The following DDR2 variants were observed in gnomAD, a reference collection of about 807,000 sequenced individuals.
DDR2 encodes the protein discoidin domain-containing receptor 2.
DDR2 carries 27 observed loss-of-function variants against 94.9 expected under a neutral mutation model. That is an observed-to-expected ratio of 0.28 (90% CI 0.21 to 0.39). DDR2 has a LOEUF of 0.39. Among genes scored for constraint, DDR2 ranks in the 10% least tolerant of loss-of-function variants. The pLI is 1.00. For missense variants in DDR2, 783 were observed against 1,076.0 expected (o/e 0.73, Z 3.81); for synonymous variants, 382 against 377.2 (o/e 1.01, Z -0.15).
chr1:162,732,790 C>T lies in DDR2; in HGVS notation c.82+13645C>T, dbSNP rs1203714874. Among the ~76,000 whole-genome samples, 6 of 152,208 alleles carry T rather than the reference C, an allele frequency of 3.9e-5. No homozygotes were observed. In the South Asian group the frequency reaches 6.2e-4, roughly 16 times the overall value. On this transcript the variant is annotated intron_variant, in intron 3 of 17. Coordinates refer to ENST00000367921, the MANE Select transcript of DDR2 (RefSeq NM_006182.4). ...ATAGGACACTCATTGACGGGGAGCC[C>T]GTGGTCTGGAGCTAGTAGTGAGATG...
intron 7 of DDR2, among the ~76,000 whole-genome samples, chr1:162,756,773 T>C (rs1473505220): frequency 2.0e-5 from 3 of 152,198 alleles, no homozygotes; most frequent in Non-Finnish European, 4.4e-5. Context: ...GTCACTTCCT[T>C]TCCATCTTCT....
Position 162,766,021 on chromosome 1 carries a change from T to G in DDR2, c.1120T>G (p.Ser374Ala), listed in dbSNP as rs778666175. 7 of 1,613,916 alleles carry G rather than the reference T, an allele frequency of 4.3e-6. No individual in the cohort carries two copies. The highest frequency in any genetic ancestry group is 5.9e-6 in the Non-Finnish European group (7 of 1,179,996). ...FQSDAAMYNN[S>A]EALPTSPMAP... ...AACAGATGCTGCAATGTACAACAAC[T>G]CTGAAGCCCTGCCCACCTCTCCTAT... Residue 374 changes from serine (S) to alanine (A), a missense_variant, in exon 10 of 18, where the codon TCT (serine) becomes GCT (alanine). This residue lies in a region of DDR2 where 519 missense variants were observed against 647.9 expected (regional missense o/e 0.80). Transcript: ENST00000367921.
chr1:162,710,991 G>A (rs944409664), intron 2 of DDR2, among the ~76,000 whole-genome samples: 1 of 152,172 alleles, frequency 6.6e-6, no homozygotes, highest in African/African-American at 2.4e-5. Context: ...CAGGCTCAGT[G>A]TCAAGATCCC....
intron 2 of DDR2, among the ~76,000 whole-genome samples, chr1:162,689,491 C>A (rs1323987592): frequency 6.6e-6 from 1 of 152,066 alleles, no homozygotes; most frequent in Non-Finnish European, 1.5e-5. Flanking sequence ...AGCTATCTCA[C>A]CGGTCCCCTG....
At chr1:162,715,547 G>T (rs1033849306) in intron 2 of DDR2, among the ~76,000 whole-genome samples, 1 of 152,146 alleles carries the variant, frequency 6.6e-6, no homozygotes, top group Admixed American at 6.6e-5. Flanking sequence ...GGTGAGGTAG[G>T]TGGAGCCCAG....
intron 1 of DDR2, among the ~76,000 whole-genome samples, chr1:162,652,065 A>G (rs1182921774): frequency 6.6e-6 from 1 of 152,248 alleles, no homozygotes; most frequent in Non-Finnish European, 1.5e-5. Flanking sequence ...GCACTTTGGC[A>G]TAAGACAGAC....
chr1:162,741,878 G>A (rs1213451188), intron 3 of DDR2, among the ~76,000 whole-genome samples: 1 of 152,234 alleles, frequency 6.6e-6, no homozygotes, highest in Non-Finnish European at 1.5e-5. Flanking sequence ...AGCACACTCA[G>A]CGACATGTAA....
At chr1:162,634,817 C>T (rs1480829808) in intron 1 of DDR2, among the ~76,000 whole-genome samples, 2 of 152,206 alleles carry the variant, frequency 1.3e-5, no homozygotes, top group African/African-American at 4.8e-5. Flanking sequence ...GATTGCTCCT[C>T]AGACAAGACT....
chr1:162,746,596 T>C (rs1371636599), intron 3 of DDR2, among the ~76,000 whole-genome samples: 1 of 152,228 alleles, frequency 6.6e-6, no homozygotes, highest in African/African-American at 2.4e-5. Context: ...TAAACGTCCC[T>C]GTCTGACAGC....
At chr1:162,660,322 G>A (rs192147991) in intron 2 of DDR2, among the ~76,000 whole-genome samples, 1 of 152,088 alleles carries the variant, frequency 6.6e-6, no homozygotes, top group Non-Finnish European at 1.5e-5. Context: ...ATTTTGTTTG[G>A]GGGTAGAGGA....
rs117973649 is a variant in DDR2, at chr1:162,658,248, C to A, written c.-28+2874C>A. 1.9e-3 allele frequency among the ~76,000 whole-genome samples: 284 copies of A among 152,222 alleles called. 4 individuals are homozygous for A. In the East Asian group the frequency reaches 0.042, roughly 23 times the overall value. ...CGCTTTCTAGGGCATGAAGACAGGG[C>A]AGGCTGGGCCATTGGAGGTGGGGGT... is the stretch of plus-strand genomic sequence containing the variant. On this transcript the variant is annotated intron_variant, in intron 2 of 17. Coordinates refer to ENST00000367921, the MANE Select transcript of DDR2 (RefSeq NM_006182.4).
At chr1:162,719,371 A>G (rs750984762) in intron 3 of DDR2, among the ~76,000 whole-genome samples, 8 of 152,202 alleles carry the variant, frequency 5.3e-5, no homozygotes, top group Non-Finnish European at 8.8e-5. Flanking sequence ...TTTCTTATAT[A>G]GAGTAGGGGT....
intron 2 of DDR2, among the ~76,000 whole-genome samples, chr1:162,715,587 CAA>C (rs1424614267): frequency 6.6e-6 from 1 of 152,080 alleles, no homozygotes; most frequent in Non-Finnish European, 1.5e-5. Context: ...TGATGATGAG[CAA>C]AAACAAAAGA....
Position 162,753,125 on chromosome 1 carries a change from G to T in DDR2, c.113G>T (p.Gly38Val). The T allele has an allele frequency of 6.2e-7, 1 of 1,613,722 alleles. No individual in the cohort carries two copies. The highest frequency in any genetic ancestry group is 1.1e-5 in the South Asian group (1 of 91,064). Reference protein sequence around the residue: ...AICRYPLGMSGGQIPDEDITA... With the variant: ...AICRYPLGMSVGQIPDEDITA... ...TGCCGCTATCCTCTGGGCATGTCAG[G>T]AGGCCAGATTCCAGATGAGGACATC... Residue 38 changes from glycine (G) to valine (V), a missense_variant, in exon 4 of 18, where the codon GGA becomes GTA. Transcript: ENST00000367921.
At chr1:162,652,438 C>A (rs1368794090) in intron 1 of DDR2, among the ~76,000 whole-genome samples, 1 of 152,112 alleles carries the variant, frequency 6.6e-6, no homozygotes, top group African/African-American at 2.4e-5. Flanking sequence ...GACAGACACT[C>A]CAGGAAATTC....
intron 3 of DDR2, chr1:162,741,823 C>T: frequency 1.2e-6 from 1 of 858,432 alleles, no homozygotes; most frequent in South Asian, 5.3e-5. Context: ...CTCCAGAAGC[C>T]TCTCTTTATT....
At chr1:162,765,228 A>G (rs1017015536) in intron 9 of DDR2, among the ~76,000 whole-genome samples, 1 of 152,172 alleles carries the variant, frequency 6.6e-6, no homozygotes, top group African/African-American at 2.4e-5. Context: ...TTTAAATCCA[A>G]TGCATAATAA....
intron 2 of DDR2, among the ~76,000 whole-genome samples, chr1:162,657,415 G>C (rs1489360812): frequency 6.6e-6 from 1 of 152,110 alleles, no homozygotes; most frequent in Non-Finnish European, 1.5e-5. Context: ...TATTAATAGG[G>C]AGACCAAATA....
intron 3 of DDR2, among the ~76,000 whole-genome samples, chr1:162,735,502 C>T (rs915964456): frequency 1.3e-5 from 2 of 152,172 alleles, no homozygotes; most frequent in East Asian, 1.9e-4. Context: ...TGATAATTAG[C>T]GTTGCTAATG....
Sources: allele counts gnomAD v4.1 joint callset (sites outside exome capture counted in the v4.1 genomes callset), GRCh38; gene constraint gnomAD v4.1.1; regional missense constraint gnomAD v4.1.1; transcripts MANE v1.5; gene names NCBI Gene and HGNC (gene_info 2026-07-23, HGNC 2026-07-21).